Variants in PCDHA4 observed in about 807,000 individuals in gnomAD.
The protein encoded by PCDHA4 is protocadherin alpha-4.
In PCDHA4, 49 loss-of-function variants were observed where a neutral mutation model predicts 61.4. The observed-to-expected ratio is 0.80, with a 90% CI of 0.63 to 1.01. The LOEUF is 1.01. Among genes scored for constraint, PCDHA4 ranks in the 50% least tolerant of loss-of-function variants. PCDHA4 has a pLI of 0.00. For synonymous variants in PCDHA4, 590 were observed against 550.3 expected (o/e 1.07, Z -1.01); for missense variants, 1,254 against 1,235.8 (o/e 1.01, Z -0.22).
intron 1 of PCDHA4, chr5:140,877,293 G>C (rs782717737): frequency 1.2e-6 from 2 of 1,613,936 alleles, no homozygotes; most frequent in Non-Finnish European, 1.7e-6. Context: ...ACGCTTGGCT[G>C]TCCTACGAGT....
intron 1 of PCDHA4, among the ~76,000 whole-genome samples, chr5:140,892,799 G>A (rs1222453314): frequency 6.6e-6 from 1 of 152,108 alleles, no homozygotes; most frequent in African/African-American, 2.4e-5. Flanking sequence ...AGAAATTATA[G>A]TTAACCATAT....
intron 1 of PCDHA4, chr5:140,813,615 T>A (rs2126648009): frequency 6.6e-6 from 1 of 152,216 alleles, no homozygotes; most frequent in Non-Finnish European, 1.5e-5. Flanking sequence ...GAATGGTGAG[T>A]GAATGTGAAG....
At chr5:140,971,034 A>G (rs576529050) in intron 1 of PCDHA4, among the ~76,000 whole-genome samples, 1 of 152,202 alleles carries the variant, frequency 6.6e-6, no homozygotes, top group Non-Finnish European at 1.5e-5. Context: ...ATTTGAAAGC[A>G]CGTAAAAGGG....
chr5:140,876,862 G>A (rs1554169053), intron 1 of PCDHA4: 2 of 1,614,168 alleles, frequency 1.2e-6, no homozygotes, highest in Non-Finnish European at 1.7e-6. Context: ...CACAGTGTTC[G>A]TGAAGGAGAA....
At chr5:140,883,932 T>A (rs1554180637) in intron 1 of PCDHA4, 2 of 1,613,418 alleles carry the variant, frequency 1.2e-6, no homozygotes. Context: ...CAGGTGTTCG[T>A]GCTGGACGAG....
At position 140,835,614 on chromosome 5, in the gene PCDHA4, A is replaced by C. The variant is rs2150239494; in HGVS notation, c.2385+26042A>C. On this transcript the variant is annotated intron_variant, in intron 1 of 3. Transcript: ENST00000530339. ...GAATTACTATTCATTGGTGCTGGAC[A>C]GCGCTCTGGACCGCGAGAGTGTGTC... 7 of 1,613,916 alleles carry C rather than the reference A, an allele frequency of 4.3e-6. No individual in the cohort carries two copies. In the East Asian group the frequency reaches 1.3e-4, roughly 31 times the overall value.
intron 1 of PCDHA4, chr5:140,857,589 G>T (rs1554150286): frequency 6.3e-7 from 1 of 1,596,564 alleles, no homozygotes; most frequent in Non-Finnish European, 8.6e-7. Flanking sequence ...GCGGAGAGCG[G>T]CAAGGTGTAC....
intron 1 of PCDHA4, chr5:140,861,361 T>C: frequency 2.8e-6 from 1 of 352,562 alleles, no homozygotes; most frequent in Admixed American, 3.2e-5. Flanking sequence ...CATAGCGTCT[T>C]CGCGGTCCCT....
chr5:140,915,204 C>A (rs2077022161), intron 1 of PCDHA4, among the ~76,000 whole-genome samples: 1 of 152,120 alleles, frequency 6.6e-6, no homozygotes, highest in African/African-American at 2.4e-5. Flanking sequence ...ATCTTGGCCT[C>A]CCAAAGTGCT....
At chr5:140,824,186 A>G in intron 1 of PCDHA4, 1 of 1,603,756 alleles carries the variant, frequency 6.2e-7, no homozygotes, top group Non-Finnish European at 8.5e-7. Flanking sequence ...ATTAAATGTC[A>G]CATTCACCCA....
intron 1 of PCDHA4, chr5:140,816,076 T>A (rs1554126966): frequency 6.6e-6 from 1 of 152,204 alleles, no homozygotes; most frequent in East Asian, 1.9e-4. Context: ...GATGTAATTT[T>A]AAAAAATAAG....
chr5:141,008,579 T>C (rs1554261820), intron 3 of PCDHA4, among the ~76,000 whole-genome samples: 1 of 152,232 alleles, frequency 6.6e-6, no homozygotes, highest in African/African-American at 2.4e-5. Flanking sequence ...TTCCCAAGAC[T>C]CAGGGCAGAT....
At chr5:140,910,911 T>G (rs1326687303) in intron 1 of PCDHA4, among the ~76,000 whole-genome samples, 1 of 152,170 alleles carries the variant, frequency 6.6e-6, no homozygotes, top group African/African-American at 2.4e-5. Context: ...CCTCCAGATT[T>G]TTGCTTATAT....
rs1554149409 is a variant in PCDHA4 at position 140,857,004 on chromosome 5, T to G, written c.2385+47432T>G. 3 of 1,595,634 alleles carry G rather than the reference T, an allele frequency of 1.9e-6. No individual in the cohort carries two copies. The South Asian group carries it at 3.3e-5, about 18-fold the overall frequency. ...GACAGTAACACTTATGAAATTCATG[T>G]AGATGTTACAGATAAGGGAAACCCA... On this transcript the variant is annotated intron_variant, in intron 1 of 3. Coordinates refer to ENST00000530339, the MANE Select transcript of PCDHA4 (RefSeq NM_018907.4).
At chr5:140,984,980 C>T (rs1206801991) in intron 3 of PCDHA4, among the ~76,000 whole-genome samples, 1 of 152,092 alleles carries the variant, frequency 6.6e-6, no homozygotes, top group African/African-American at 2.4e-5. Context: ...CTCTGTCCCC[C>T]AGGCTGGAGT....
chr5:140,823,814 G>C (rs782047530), intron 1 of PCDHA4: 4 of 1,613,762 alleles, frequency 2.5e-6, no homozygotes, highest in Non-Finnish European at 3.4e-6. Flanking sequence ...GCCTCATCGC[G>C]GGCGTCGGCG....
chr5:140,828,181 G>T (rs782434045), intron 1 of PCDHA4: 1 of 1,614,176 alleles, frequency 6.2e-7, no homozygotes, highest in Admixed American at 1.7e-5. Flanking sequence ...GGAGCGGCCA[G>T]CTCCACTACT....
rs186232239 is a variant in PCDHA4, at chr5:140,924,849, C to T, written c.2386-54100C>T. On this transcript the variant is annotated intron_variant, in intron 1 of 3. Coordinates refer to ENST00000530339, the MANE Select transcript of PCDHA4 (RefSeq NM_018907.4). ...GGGGGAGGTTGCAGGGAGCTCAGAT[C>T]GTGCCACTGCACTCCAGCCTGGGTG... 8.0e-3 allele frequency among the ~76,000 whole-genome samples: 1,208 copies of T among 150,322 alleles called. 6 individuals are homozygous for T. Among genetic ancestry groups the T allele is most frequent in the African/African-American group, 0.019 (780 of 40,670 alleles).
chr5:141,009,571 T>C, intron 3 of PCDHA4, 56 bp from the exon 4 acceptor site: 10 of 1,578,600 alleles, frequency 6.3e-6, no homozygotes, highest in Non-Finnish European at 7.7e-6. Context: ...ACCAGCAGTG[T>C]GGCATCAAGA....
Sources: gnomAD v4.1 joint callset for allele counts (sites outside exome capture counted in the v4.1 genomes callset) on GRCh38, gnomAD v4.1.1 for gene constraint, MANE v1.5 for transcripts, NCBI Gene and HGNC (gene_info 2026-07-23, HGNC 2026-07-21) for gene names.